Variants in PSD3 observed in about 807,000 individuals in gnomAD.
The protein encoded by PSD3 is PH and SEC7 domain-containing protein 3.
In PSD3, 49 loss-of-function variants were observed where a neutral mutation model predicts 105.5. The ratio of observed to expected loss-of-function variants is 0.46; its 90% CI spans 0.37 to 0.59. The LOEUF (loss-of-function observed/expected upper bound fraction) is 0.59, where lower values mean the gene tolerates loss of function less well. Ranked by LOEUF, PSD3 falls within the 20% of genes least tolerant of loss-of-function variation. The pLI is 0.00. For missense variants in PSD3, 1,561 were observed against 1,263.8 expected, an observed-to-expected ratio of 1.24 and a Z score of -3.57; for synonymous variants, 557 against 457.8, an observed-to-expected ratio of 1.22 and a Z score of -2.77.
intron 9 of PSD3, among the ~76,000 whole-genome samples, chr8:18,707,237 G>C (rs888978130): frequency 2.0e-5 from 3 of 151,972 alleles, no homozygotes; most frequent in Admixed American, 2.0e-4. Context: ...AAACCTACCC[G>C]ACAATTCACA....
Position 18,556,238 on chromosome 8 carries a change from T to C in PSD3, c.2899A>G (p.Lys967Glu). 1.9e-6 allele frequency: 3 copies of C among 1,614,144 alleles called. No individual in the cohort carries two copies. Among genetic ancestry groups the C allele is most frequent in the Non-Finnish European group, 2.5e-6 (3 of 1,179,990 alleles). The change falls in exon 15 of 16, where the codon AAA (lysine) becomes GAA (glutamate). Residue 967 changes from lysine to glutamate, a missense_variant. Physicochemically the swap from Lys to Glu is moderately conservative, Grantham distance 56 (BLOSUM62 1). Coordinates refer to ENST00000327040, the MANE Select transcript of PSD3 (RefSeq NM_015310.4). ...KVKAKDVDEY[K>E]LKDHYLEFEK... ...AACTCCAGATAGTGGTCTTTCAGTT[T>C]GTACTCATCGACGTCCTTGGCTTTG...
intron 1 of PSD3, among the ~76,000 whole-genome samples, chr8:18,960,532 G>A (rs925417703): frequency 6.6e-6 from 1 of 152,164 alleles, no homozygotes; most frequent in African/African-American, 2.4e-5. Flanking sequence ...ATTAGGAAAT[G>A]CGTAAATGTA....
intron 1 of PSD3, among the ~76,000 whole-genome samples, chr8:19,030,239 TC>T (rs1480617074): frequency 6.6e-6 from 1 of 152,250 alleles, no homozygotes; most frequent in Admixed American, 6.5e-5. Flanking sequence ...ATATGATTTT[TC>T]TTTTTTATGC....
At chr8:18,812,943 G>A (rs1021594526) in intron 4 of PSD3, among the ~76,000 whole-genome samples, 1 of 152,126 alleles carries the variant, frequency 6.6e-6, no homozygotes, top group African/African-American at 2.4e-5. Flanking sequence ...ATCAGACTTG[G>A]GTTTTGGTAA....
chr8:18,962,636 A>C (rs1823994449), intron 1 of PSD3, among the ~76,000 whole-genome samples: 1 of 152,258 alleles, frequency 6.6e-6, no homozygotes, highest in Admixed American at 6.5e-5. Context: ...TTCCCTCCAC[A>C]GCATCCTGCC....
chr8:18,766,162 T>C (rs988889587), intron 8 of PSD3, among the ~76,000 whole-genome samples: 6 of 151,802 alleles, frequency 4.0e-5, no homozygotes, highest in African/African-American at 1.5e-4. Flanking sequence ...GGCAAAATGC[T>C]GTCTCTACTA....
chr8:18,667,780 G>C (rs113847890), intron 9 of PSD3, among the ~76,000 whole-genome samples: 3,837 of 152,280 alleles, frequency 0.025, 68 homozygotes, highest in East Asian at 0.053. Flanking sequence ...ATGGCGGGGT[G>C]GGGGAGGCTC....
chr8:18,834,505 G>T (rs945527304), intron 4 of PSD3, among the ~76,000 whole-genome samples: 1 of 152,186 alleles, frequency 6.6e-6, no homozygotes, highest in Admixed American at 6.5e-5. Flanking sequence ...CAGGCCCCAA[G>T]AGCCTCAGCT....
intron 1 of PSD3, among the ~76,000 whole-genome samples, chr8:19,074,508 TG>T (rs1829382114): frequency 6.6e-6 from 1 of 151,166 alleles, no homozygotes; most frequent in Admixed American, 6.6e-5. Context: ...GACATTGTAT[TG>T]TTTTCCAAAC....
intron 10 of PSD3, among the ~76,000 whole-genome samples, chr8:18,645,342 ATACTT>A (rs1361882093): frequency 1.2e-4 from 19 of 152,374 alleles, no homozygotes; most frequent in Non-Finnish European, 2.2e-4. Context: ...TAATTTAAAA[ATACTT>A]TACTGTAGAA....
intron 14 of PSD3, among the ~76,000 whole-genome samples, chr8:18,560,349 T>G (rs1801326019): frequency 1.3e-5 from 2 of 152,118 alleles, no homozygotes; most frequent in Admixed American, 6.6e-5. Context: ...AAAGACAAAG[T>G]AGGAATTTGC....
rs1376883752 is a variant in PSD3, at chr8:18,531,278, A to G, written c.*4465T>C. ...CAAGTCAAACTGTCATGCAGATTCA[A>G]GTATTTAATGACATTCTCTCTATGA... On this transcript the variant is annotated 3_prime_UTR_variant, in exon 16 of 16. Transcript: ENST00000327040. 6.5e-6 allele frequency: 1 copy of G among 152,712 alleles called. No homozygotes were observed. Among genetic ancestry groups the G allele is most frequent in the African/African-American group, 2.4e-5 (1 of 41,472 alleles). 9.5% of individuals were successfully genotyped at this position (152,712 alleles called of 1,614,324 possible). A position where few individuals can be genotyped will look rare whatever the true frequency, so the allele number is the denominator to read the frequency against.
intron 11 of PSD3, among the ~76,000 whole-genome samples, chr8:18,626,009 G>A (rs1036921536): frequency 6.6e-6 from 1 of 151,736 alleles, no homozygotes; most frequent in Non-Finnish European, 1.5e-5. Flanking sequence ...GTTTTTTATT[G>A]TATCTGACAA....
chr8:18,931,954 T>C (rs1361238651), intron 2 of PSD3, among the ~76,000 whole-genome samples: 1 of 152,214 alleles, frequency 6.6e-6, no homozygotes, highest in African/African-American at 2.4e-5. Flanking sequence ...TGGATCATGG[T>C]CTCAAACCTA....
intron 4 of PSD3, among the ~76,000 whole-genome samples, chr8:18,846,718 G>A (rs888641311): frequency 1.3e-5 from 2 of 152,132 alleles, no homozygotes; most frequent in African/African-American, 2.4e-5. Context: ...CAGGATGCAC[G>A]GGAGGCGCCG....
chr8:18,587,693 C>T (rs960023422), intron 12 of PSD3, among the ~76,000 whole-genome samples: 3 of 152,076 alleles, frequency 2.0e-5, no homozygotes, highest in Admixed American at 6.6e-5. Flanking sequence ...GATTTTTCCA[C>T]GCCTCTATTA....
intron 11 of PSD3, among the ~76,000 whole-genome samples, 168 bp downstream of exon 11, chr8:18,632,445 G>T (rs1291101396): frequency 1.3e-5 from 2 of 152,020 alleles, no homozygotes; most frequent in East Asian, 3.9e-4. Flanking sequence ...AGAAGAGCAG[G>T]TGCCACATTG....
intron 1 of PSD3, among the ~76,000 whole-genome samples, chr8:19,055,530 G>A (rs764321860): frequency 1.3e-5 from 2 of 152,232 alleles, no homozygotes; most frequent in East Asian, 1.9e-4. Flanking sequence ...TGGGATTACA[G>A]GCGTGAGCCA....
intron 14 of PSD3, 144 bp downstream of exon 14, chr8:18,572,384 C>G: frequency 2.0e-6 from 2 of 992,620 alleles, no homozygotes; most frequent in South Asian, 1.7e-5. Context: ...TACTGCATAT[C>G]TGCCTCATTT....
Sources: gnomAD v4.1 joint callset for allele counts (sites outside exome capture counted in the v4.1 genomes callset) on GRCh38, gnomAD v4.1.1 for gene constraint, MANE v1.5 for transcripts, NCBI Gene and HGNC (gene_info 2026-07-23, HGNC 2026-07-21) for gene names.